Variants in WWOX observed in about 807,000 individuals in gnomAD.
WWOX encodes the protein WW domain-containing oxidoreductase.
WWOX carries 69 observed loss-of-function variants against 46.2 expected under a neutral mutation model. The observed-to-expected ratio is 1.49, with a 90% CI of 1.23 to 1.82. WWOX has a LOEUF of 1.82. WWOX is among the 40% of genes most tolerant of loss of function. The pLI, the probability that WWOX is intolerant of heterozygous loss-of-function variation, is 0.00. For synonymous variants in WWOX, 359 were observed against 202.6 expected (o/e 1.77, Z -6.56); for missense variants, 919 against 542.6 (o/e 1.69, Z -6.89).
chr16:79,211,010 GCTAAGTATGAA>G (rs1415148107), intron 8 of WWOX, among the ~76,000 whole-genome samples: 10 of 145,110 alleles, frequency 6.9e-5, no homozygotes, highest in Non-Finnish European at 1.2e-4. Context: ...ATGTGTTTGT[GCTAAGTATGAA>G]TGTATGGTGA....
At chr16:78,437,100 G>T (rs1229649499) in intron 8 of WWOX, among the ~76,000 whole-genome samples, 3 of 152,180 alleles carry the variant, frequency 2.0e-5, no homozygotes, top group Admixed American at 2.0e-4. Context: ...TACACATTCT[G>T]TTGCATGAGG....
chr16:78,547,791 G>T (rs1406782401), intron 8 of WWOX, among the ~76,000 whole-genome samples: 3 of 151,936 alleles, frequency 2.0e-5, no homozygotes, highest in African/African-American at 4.8e-5. Flanking sequence ...ATTCATGAAG[G>T]CTTTGCCTCA....
intron 8 of WWOX, among the ~76,000 whole-genome samples, chr16:78,842,656 G>A (rs112415122): frequency 6.6e-6 from 1 of 152,092 alleles, no homozygotes; most frequent in Admixed American, 6.5e-5. Context: ...TGGAGCTCAG[G>A]AGTTTGAGAA....
chr16:78,460,289 A>C (rs1276178312), intron 8 of WWOX, among the ~76,000 whole-genome samples: 1 of 152,042 alleles, frequency 6.6e-6, no homozygotes, highest in African/African-American at 2.4e-5. Context: ...CACCACACCC[A>C]GCTAGTTTTT....
Position 78,732,402 on chromosome 16 carries a change from TAGTC to T in WWOX, c.1056+299653_1056+299656del, listed in dbSNP as rs1252274672. Among the ~76,000 whole-genome samples, 10 of 152,214 alleles carry T rather than the reference TAGTC, an allele frequency of 6.6e-5. No individual in the cohort carries two copies. The East Asian group carries it at 9.7e-4, about 15-fold the overall frequency. Reference sequence around the variant, plus strand: ...AGAGAGGAATTGAGGCCGCCAGTCATAGTCAGCTTCAGTCATCAGATAGGAAGCC... The same window carrying T: ...AGAGAGGAATTGAGGCCGCCAGTCATAGCTTCAGTCATCAGATAGGAAGCC... On this transcript the variant is annotated intron_variant, in intron 8 of 8. Coordinates refer to ENST00000566780, the MANE Select transcript of WWOX (RefSeq NM_016373.4).
intron 8 of WWOX, among the ~76,000 whole-genome samples, chr16:79,160,685 C>A (rs2150749030): frequency 6.6e-6 from 1 of 152,256 alleles, no homozygotes; most frequent in South Asian, 2.1e-4. Flanking sequence ...CCCATACAAT[C>A]TTGGCAGATA....
chr16:78,706,663 A>G (rs939140552), intron 8 of WWOX, among the ~76,000 whole-genome samples: 3 of 152,164 alleles, frequency 2.0e-5, no homozygotes, highest in African/African-American at 7.2e-5. Context: ...TATCCAGGAG[A>G]GGAAAGGCTC....
chr16:78,710,802 A>G (rs987220529), intron 8 of WWOX, among the ~76,000 whole-genome samples: 2 of 151,360 alleles, frequency 1.3e-5, no homozygotes, highest in Non-Finnish European at 2.9e-5. Context: ...TTTTGTAGAG[A>G]TAGGATCTCT....
At chr16:78,111,089 A>T (rs1054425604) in intron 3 of WWOX, among the ~76,000 whole-genome samples, 3 of 152,076 alleles carry the variant, frequency 2.0e-5, no homozygotes, top group Non-Finnish European at 4.4e-5. Context: ...GGGTCGGGCC[A>T]GCCCTCCTCT....
chr16:78,880,503 A>G (rs1660440467), intron 8 of WWOX, among the ~76,000 whole-genome samples: 1 of 152,226 alleles, frequency 6.6e-6, no homozygotes, highest in African/African-American at 2.4e-5. Context: ...ATAATTAGTC[A>G]AGCACTATCG....
intron 8 of WWOX, among the ~76,000 whole-genome samples, chr16:79,015,201 T>A (rs2656655): frequency 0.4 from 61,324 of 151,700 alleles, 12,821 homozygotes; most frequent in African/African-American, 0.49. Context: ...GGCCCTGGAA[T>A]AAGACAGTGT....
intron 8 of WWOX, among the ~76,000 whole-genome samples, chr16:78,624,917 C>A (rs988966378): frequency 1.3e-5 from 2 of 152,154 alleles, no homozygotes; most frequent in South Asian, 2.1e-4. Context: ...TCTGTACACA[C>A]AAAACCCTGT....
chr16:78,108,309 C>G, intron 1 of WWOX, 114 bp from the exon 2 acceptor site: 2 of 1,041,890 alleles, frequency 1.9e-6, no homozygotes, highest in Non-Finnish European at 2.9e-6. Context: ...TCCTTCTTCC[C>G]CCTACTTCCT....
At chr16:78,173,517 C>G (rs763294803) in intron 5 of WWOX, among the ~76,000 whole-genome samples, 1 of 149,834 alleles carries the variant, frequency 6.7e-6, no homozygotes, top group African/African-American at 2.5e-5. Flanking sequence ...AGGCTAGTCT[C>G]GAATTCCTCT....
intron 8 of WWOX, among the ~76,000 whole-genome samples, chr16:78,768,939 C>A (rs1350044557): frequency 1.3e-5 from 2 of 152,070 alleles, no homozygotes; most frequent in African/African-American, 2.4e-5. Context: ...AGGACGGTTT[C>A]CATTCTGTTT....
intron 8 of WWOX, chr16:79,101,375 A>C (rs2049189515): frequency 6.6e-6 from 1 of 152,228 alleles, no homozygotes; most frequent in African/African-American, 2.4e-5. Flanking sequence ...TTAACACGTC[A>C]GGTAAGGTGG....
intron 5 of WWOX, among the ~76,000 whole-genome samples, chr16:78,330,436 T>G (rs1278411657): frequency 6.6e-6 from 1 of 152,168 alleles, no homozygotes; most frequent in Non-Finnish European, 1.5e-5. Flanking sequence ...CTTGCTCTGT[T>G]GCCAGGCTAT....
intron 8 of WWOX, among the ~76,000 whole-genome samples, chr16:78,889,003 G>A (rs577672632): frequency 1.3e-5 from 2 of 151,906 alleles, no homozygotes; most frequent in African/African-American, 4.8e-5. Context: ...ACCACCTCCA[G>A]CTCCCCCTAG....
chr16:78,343,408 C>T lies in WWOX; in HGVS notation c.517-43452C>T, dbSNP rs1357445678. Among the ~76,000 whole-genome samples, 3 of 121,100 alleles carry T rather than the reference C, an allele frequency of 2.5e-5. 1 individual carries two copies. Among genetic ancestry groups the T allele is most frequent in the Admixed American group, 1.6e-4 (2 of 12,458 alleles). The allele number at this position is 121,100 out of a possible 152,430, so 79.4% of individuals were successfully genotyped here. A position where few individuals can be genotyped will look rare whatever the true frequency, so the allele number is the denominator to read the frequency against. On this transcript the variant is annotated intron_variant, in intron 5 of 8. Transcript: ENST00000566780. ...TTCCATTTCCATATTCTCAATCAAT[C>T]ACTGATGGCCAGCTGTCAACAGGCA...
Sources: gnomAD v4.1 joint callset for allele counts (sites outside exome capture counted in the v4.1 genomes callset) on GRCh38, gnomAD v4.1.1 for gene constraint, MANE v1.5 for transcripts, NCBI Gene and HGNC (gene_info 2026-07-23, HGNC 2026-07-21) for gene names.